WWP1: variants seen among roughly 807,000 people sequenced by gnomAD.
WWP1 encodes the protein NEDD4-like E3 ubiquitin-protein ligase WWP1.
In WWP1, 49 loss-of-function variants were observed where a neutral mutation model predicts 130.6. The observed-to-expected ratio is 0.38, with a 90% CI of 0.30 to 0.48. The LOEUF (loss-of-function observed/expected upper bound fraction) is 0.48, where lower values mean the gene tolerates loss of function less well. Ranked by LOEUF, WWP1 falls within the 20% of genes least tolerant of loss-of-function variation. The pLI is 0.99. For missense variants in WWP1, 809 were observed against 1,100.6 expected, an observed-to-expected ratio of 0.74 and a Z score of 3.75; for synonymous variants, 332 against 367.8, an observed-to-expected ratio of 0.90 and a Z score of 1.11.
chr8:86,376,545 G>C (rs1293932472), intron 3 of WWP1, among the ~76,000 whole-genome samples: 1 of 152,066 alleles, frequency 6.6e-6, no homozygotes, highest in Non-Finnish European at 1.5e-5. Flanking sequence ...TTCCAGCCTG[G>C]GGGATAAAGT....
chr8:86,384,428 T>C (rs1825167297), intron 5 of WWP1, among the ~76,000 whole-genome samples: 1 of 152,206 alleles, frequency 6.6e-6, no homozygotes, highest in Non-Finnish European at 1.5e-5. Flanking sequence ...TAGATTTTAA[T>C]TTAAGTAAGT....
intron 23 of WWP1, 24 bp from the exon 24 acceptor site, chr8:86,461,750 C>T (rs765043590): frequency 1.2e-6 from 2 of 1,606,478 alleles, no homozygotes; most frequent in East Asian, 2.2e-5. Flanking sequence ...ACCAGATAAA[C>T]TTTGTCTTAT....
At chr8:86,352,053 T>C (rs1822965952) in intron 1 of WWP1, among the ~76,000 whole-genome samples, 1 of 150,974 alleles carries the variant, frequency 6.6e-6, no homozygotes, top group African/African-American at 2.4e-5. Flanking sequence ...TTTTTTTTTT[T>C]TTTTGAGAAA....
chr8:86,369,917 C>A (rs982957352), intron 2 of WWP1, among the ~76,000 whole-genome samples: 17 of 151,670 alleles, frequency 1.1e-4, no homozygotes, highest in Middle Eastern at 3.4e-3. Context: ...AAAAAAAAAA[C>A]CCATGTAATT....
chr8:86,452,501 T>G, intron 20 of WWP1, 58 bp from the exon 21 acceptor site: 1 of 1,455,856 alleles, frequency 6.9e-7, no homozygotes, highest in Admixed American at 2.1e-5. Context: ...CTTGGTGTTT[T>G]TAAGTATTTT....
intron 21 of WWP1, 140 bp from the exon 22 acceptor site, chr8:86,457,781 C>T (rs956466916): frequency 1.7e-6 from 1 of 598,172 alleles, no homozygotes; most frequent in Non-Finnish European, 2.8e-6. Context: ...GTTATATTTG[C>T]TTATTGTGAT....
rs1356642826 is a variant in WWP1 at position 86,468,438 on chromosome 8, A to G, written c.*1545A>G. The G allele has an allele frequency of 2.3e-6, 1 of 438,662 alleles. No homozygotes were observed. Among genetic ancestry groups the G allele is most frequent in the Non-Finnish European group, 4.5e-6 (1 of 222,770 alleles). The allele number at this position is 438,662 out of a possible 1,614,324, so 27.2% of individuals were successfully genotyped here. A position where few individuals can be genotyped will look rare whatever the true frequency, so the allele number is the denominator to read the frequency against. On this transcript the variant is annotated 3_prime_UTR_variant, in exon 25 of 25. Coordinates refer to ENST00000517970, the MANE Select transcript of WWP1 (RefSeq NM_007013.4). ...AATTTTCAAGCCTAAAGAATTAAAA[A>G]AAAAATTCTAATGTATGTGACAGGT... is the stretch of plus-strand genomic sequence containing the variant.
At chr8:86,347,806 AT>A (rs933470216) in intron 1 of WWP1, among the ~76,000 whole-genome samples, 53 of 152,280 alleles carry the variant, frequency 3.5e-4, no homozygotes, top group African/African-American at 1.2e-3. Context: ...AAAAATTTAC[AT>A]TTTTTGAGGA....
intron 8 of WWP1, among the ~76,000 whole-genome samples, chr8:86,408,744 TA>T (rs1808414745): frequency 6.6e-6 from 1 of 152,000 alleles, no homozygotes; most frequent in African/African-American, 2.4e-5. Flanking sequence ...AATGAAATCC[TA>T]AAAATGCAAA....
chr8:86,397,584 A>G (rs1807748809), intron 5 of WWP1, among the ~76,000 whole-genome samples: 1 of 152,162 alleles, frequency 6.6e-6, no homozygotes, highest in Non-Finnish European at 1.5e-5. Context: ...TTTTACCTTC[A>G]TCTCTCCATT....
At chr8:86,371,383 A>G (rs1824287969) in intron 2 of WWP1, among the ~76,000 whole-genome samples, 1 of 152,226 alleles carries the variant, frequency 6.6e-6, no homozygotes. Flanking sequence ...TGAAGGGCAT[A>G]CAAATGTTTA....
At chr8:86,356,051 A>G (rs1472528979) in intron 1 of WWP1, among the ~76,000 whole-genome samples, 2 of 152,208 alleles carry the variant, frequency 1.3e-5, no homozygotes, top group Admixed American at 1.3e-4. Flanking sequence ...CTAATGGATA[A>G]TTGATAATGT....
chr8:86,363,865 G>A (rs766665438), intron 1 of WWP1, among the ~76,000 whole-genome samples: 5 of 151,534 alleles, frequency 3.3e-5, no homozygotes, highest in African/African-American at 4.9e-5. Flanking sequence ...TTTATTCTGT[G>A]CCAGGAAGTA....
intron 3 of WWP1, among the ~76,000 whole-genome samples, chr8:86,376,840 CTTCTT>C (rs1824685821): frequency 6.6e-6 from 1 of 152,106 alleles, no homozygotes; most frequent in Non-Finnish European, 1.5e-5. Context: ...GTTTTAGTGC[CTTCTT>C]TTCTTCTTGT....
chr8:86,452,339 G>C (rs538065362), intron 20 of WWP1, among the ~76,000 whole-genome samples: 1 of 151,726 alleles, frequency 6.6e-6, no homozygotes, highest in East Asian at 1.9e-4. Flanking sequence ...TATTTTAAAA[G>C]CATCCTTTTT....
chr8:86,364,676 C>T (rs760442233), intron 1 of WWP1, among the ~76,000 whole-genome samples: 2 of 151,918 alleles, frequency 1.3e-5, no homozygotes, highest in African/African-American at 4.8e-5. Flanking sequence ...CATGGTGGTG[C>T]GTGCCTGTAG....
At chr8:86,378,310 C>A (rs892046969) in intron 3 of WWP1, among the ~76,000 whole-genome samples, 2 of 152,004 alleles carry the variant, frequency 1.3e-5, no homozygotes, top group Admixed American at 1.3e-4. Context: ...CTTTTCAAAT[C>A]TAGGAATATA....
intron 5 of WWP1, among the ~76,000 whole-genome samples, chr8:86,389,989 G>A (rs1045745578): frequency 2.0e-5 from 3 of 151,092 alleles, no homozygotes; most frequent in South Asian, 2.1e-4. Flanking sequence ...GGGGCAGCCC[G>A]GCAGAGACGC....
intron 17 of WWP1, among the ~76,000 whole-genome samples, chr8:86,441,038 G>C (rs181140785): frequency 2.0e-5 from 3 of 152,248 alleles, no homozygotes; most frequent in Admixed American, 6.5e-5. Context: ...TAATTCTTCT[G>C]CCTCTTGCTA....
Sources: allele counts gnomAD v4.1 joint callset (sites outside exome capture counted in the v4.1 genomes callset), GRCh38; gene constraint gnomAD v4.1.1; transcripts MANE v1.5; gene names NCBI Gene and HGNC (gene_info 2026-07-23, HGNC 2026-07-21).